The following FANCC variants were observed in gnomAD, a reference collection of about 807,000 sequenced individuals.
The protein encoded by FANCC is FA complementation group C.
Under a neutral mutation model 71.3 loss-of-function variants are expected in FANCC, and 55 were observed. The observed-to-expected ratio is 0.77, with a 90% CI of 0.62 to 0.97. The LOEUF is 0.97. FANCC is among the 50% of genes least tolerant of loss of function. FANCC has a pLI of 0.00. For missense variants in FANCC, 678 were observed against 670.9 expected, an observed-to-expected ratio of 1.01 and a Z score of -0.12; for synonymous variants, 275 against 244.9, an observed-to-expected ratio of 1.12 and a Z score of -1.15.
chr9:95,292,424 C>T, intron 1 of FANCC: 3 of 1,104,982 alleles, frequency 2.7e-6, no homozygotes, highest in Non-Finnish European at 3.3e-6. Context: ...CGAGAGGAGC[C>T]TCCGCCGCCG....
chr9:95,251,115 C>T (rs1248669894), intron 1 of FANCC, among the ~76,000 whole-genome samples: 1 of 152,152 alleles, frequency 6.6e-6, no homozygotes, highest in African/African-American at 2.4e-5. Flanking sequence ...TTATCCTGGG[C>T]TTTATTCGTT....
At position 95,110,108 on chromosome 9, in the gene FANCC, G is replaced by A. The variant is rs146857602; in HGVS notation, c.1329+1355C>T. ...TGCCCCACTCACATTGAGCCAATAC[G>A]TTCTCATCCAAAATCCTAGGCATCC... On this transcript the variant is annotated intron_variant, in intron 13 of 14. Transcript: ENST00000289081. 3.8e-3 allele frequency: 1,137 copies of A among 301,570 alleles called. 3 individuals are homozygous for A. The highest frequency in any genetic ancestry group is 4.0e-3 in the Non-Finnish European group (822 of 203,986). 18.7% of individuals were successfully genotyped at this position (301,570 alleles called of 1,614,324 possible).
At chr9:95,257,164 T>C (rs1831715293) in intron 1 of FANCC, among the ~76,000 whole-genome samples, 1 of 152,198 alleles carries the variant, frequency 6.6e-6, no homozygotes, top group South Asian at 2.1e-4. Flanking sequence ...GGATTTGAAC[T>C]CAGCTCTGGA....
At position 95,100,684 on chromosome 9, in the gene FANCC, G is replaced by A. The variant is rs2071042840; in HGVS notation, c.*1023C>T. The A allele has an allele frequency of 6.1e-5, 14 of 228,896 alleles. No homozygotes were observed. The East Asian group carries it at 8.7e-4, about 14-fold the overall frequency. 14.2% of individuals were successfully genotyped at this position (228,896 alleles called of 1,614,324 possible). The stretch of plus-strand genomic sequence containing the variant: ...CTCGCTCTGTTGCCCAGGCTGGAGT[G>A]CAGTGTCATGATCTCGGCTCACTAC... On this transcript the variant is annotated 3_prime_UTR_variant, in exon 15 of 15. Transcript: ENST00000289081.
At chr9:95,244,358 G>A (rs539887708) in intron 3 of FANCC, among the ~76,000 whole-genome samples, 82 of 152,240 alleles carry the variant, frequency 5.4e-4, no homozygotes, top group Non-Finnish European at 8.7e-4. Flanking sequence ...AGTGAGCCGC[G>A]TTTTCCTAAG....
intron 4 of FANCC, among the ~76,000 whole-genome samples, chr9:95,180,236 T>A (rs1371807562): frequency 2.0e-5 from 3 of 151,408 alleles, no homozygotes; most frequent in Non-Finnish European, 4.4e-5. Flanking sequence ...TCAGGGGCAA[T>A]AACAATAACA....
At chr9:95,184,248 A>G (rs1826568937) in intron 4 of FANCC, among the ~76,000 whole-genome samples, 1 of 152,164 alleles carries the variant, frequency 6.6e-6, no homozygotes, top group African/African-American at 2.4e-5. Context: ...TGTTTACTTA[A>G]TATCAAAATG....
chr9:95,237,144 C>T (rs1362590617), intron 4 of FANCC, among the ~76,000 whole-genome samples: 2 of 152,096 alleles, frequency 1.3e-5, no homozygotes, highest in African/African-American at 2.4e-5. Flanking sequence ...ATCTTTTTAT[C>T]GGTTCATGTT....
In FANCC at chr9:95,178,937, T is replaced by C. The variant is rs1040401274; in HGVS notation, c.346-6790A>G. 1.6e-4 allele frequency among the ~76,000 whole-genome samples: 24 copies of C among 152,348 alleles called. 1 individual carries two copies. The highest frequency in any genetic ancestry group is 5.8e-4 in the African/African-American group (24 of 41,588). ...GTGTAAAGAGGGGTCTGTCACTTAC[T>C]TTATAAGACATCGACTTCCAAATCT... On this transcript the variant is annotated intron_variant, in intron 4 of 14. Coordinates refer to ENST00000289081, the MANE Select transcript of FANCC (RefSeq NM_000136.3).
intron 1 of FANCC, among the ~76,000 whole-genome samples, chr9:95,250,471 A>C (rs777996912): frequency 3.3e-4 from 50 of 152,354 alleles, no homozygotes; most frequent in Non-Finnish European, 7.1e-4. Context: ...CTAGATCGGG[A>C]AAGTTTTAAA....
intron 1 of FANCC, chr9:95,293,529 C>A: frequency 6.2e-7 from 1 of 1,605,104 alleles, no homozygotes; most frequent in Non-Finnish European, 8.5e-7. Context: ...TAATACTTTA[C>A]AAGAACTAGG....
intron 6 of FANCC, among the ~76,000 whole-genome samples, chr9:95,165,450 T>G (rs567017723): frequency 3.3e-5 from 5 of 152,178 alleles, no homozygotes; most frequent in Non-Finnish European, 5.9e-5. Context: ...TGCTTAGAAC[T>G]GCTTTTGCTG....
At chr9:95,114,209 T>G in intron 12 of FANCC, 1 of 271,000 alleles carries the variant, frequency 3.7e-6, no homozygotes. Context: ...TGTGTAGGAG[T>G]TTCAAATCTC....
intron 4 of FANCC, among the ~76,000 whole-genome samples, chr9:95,177,639 C>T (rs1336735603): frequency 6.6e-6 from 1 of 152,138 alleles, no homozygotes; most frequent in African/African-American, 2.4e-5. Context: ...ATCCTTATAT[C>T]ATAAGCTTTT....
rs1490285441 is a variant in FANCC at position 95,240,551 on chromosome 9, T to C, written c.345+98A>G. 15 of 782,618 alleles carry C rather than the reference T, an allele frequency of 1.9e-5. No homozygotes were observed. In the Admixed American group the frequency reaches 2.5e-4, roughly 13 times the overall value. 48.5% of individuals were successfully genotyped at this position (782,618 alleles called of 1,614,324 possible). The stretch of plus-strand genomic sequence containing the variant: ...GTTTGAAAAAGTTTCTAAAACATCA[T>C]AGAACTGGATTCCACCCCACCCCAA... On this transcript the variant is annotated intron_variant, in intron 4 of 14. Coordinates refer to ENST00000289081, the MANE Select transcript of FANCC (RefSeq NM_000136.3).
At chr9:95,131,151 T>C (rs1826851916) in intron 8 of FANCC, among the ~76,000 whole-genome samples, 1 of 152,242 alleles carries the variant, frequency 6.6e-6, no homozygotes, top group Non-Finnish European at 1.5e-5. Context: ...GATAAATCTG[T>C]CATTCCTGGG....
chr9:95,302,048 C>A (rs554722103), intron 1 of FANCC, among the ~76,000 whole-genome samples: 5 of 141,652 alleles, frequency 3.5e-5, no homozygotes, highest in Non-Finnish European at 7.5e-5. Flanking sequence ...CGCCACTGCA[C>A]TCCAGCCTGG....
chr9:95,299,443 C>T (rs1395978500), intron 1 of FANCC, among the ~76,000 whole-genome samples: 1 of 152,166 alleles, frequency 6.6e-6, no homozygotes, highest in East Asian at 1.9e-4. Flanking sequence ...GTACTGAAAC[C>T]GTTATCCACA....
At chr9:95,170,396 CA>C (rs1263047970) in intron 6 of FANCC, among the ~76,000 whole-genome samples, 287 of 108,684 alleles carry the variant, frequency 2.6e-3, no homozygotes, top group Middle Eastern at 5.4e-3. Flanking sequence ...AATAGCTTTA[CA>C]AAAAAAAAAA....
Sources: allele counts gnomAD v4.1 joint callset (sites outside exome capture counted in the v4.1 genomes callset), GRCh38; gene constraint gnomAD v4.1.1; transcripts MANE v1.5; gene names NCBI Gene and HGNC (gene_info 2026-07-23, HGNC 2026-07-21).